PGM5: variants seen among roughly 807,000 people sequenced by gnomAD.
PGM5 encodes the protein phosphoglucomutase-like protein 5.
A neutral mutation model predicts 59.2 loss-of-function variants in PGM5; 23 were observed. That is an observed-to-expected ratio of 0.39 (90% CI 0.28 to 0.55). The LOEUF (loss-of-function observed/expected upper bound fraction) is 0.55. Ranked by LOEUF, PGM5 falls within the 20% of genes least tolerant of loss-of-function variation. The pLI, the probability that PGM5 is intolerant of heterozygous loss-of-function variation, is 0.66. For synonymous variants in PGM5, 214 were observed against 286.0 expected, an observed-to-expected ratio of 0.75 and a Z score of 2.54; for missense variants, 574 against 748.3, an observed-to-expected ratio of 0.77 and a Z score of 2.72.
intron 6 of PGM5, among the ~76,000 whole-genome samples, chr9:68,452,230 C>T (rs1710014439): frequency 6.6e-6 from 1 of 152,228 alleles, no homozygotes; most frequent in Admixed American, 6.5e-5. Flanking sequence ...CCTACCAGCC[C>T]TTTGCCCTTC....
At chr9:68,398,399 G>A (rs1336984538) in intron 6 of PGM5, 1 of 152,056 alleles carries the variant, frequency 6.6e-6, no homozygotes, top group Non-Finnish European at 1.5e-5. Flanking sequence ...AGGAACGGAT[G>A]AGGTTAAGGA....
intron 6 of PGM5, among the ~76,000 whole-genome samples, chr9:68,423,724 G>A (rs1823187417): frequency 6.6e-6 from 1 of 151,256 alleles, no homozygotes; most frequent in Admixed American, 6.6e-5. Context: ...TGAGGCCCTT[G>A]AAGACCCTTT....
chr9:68,393,309 T>C lies in PGM5; in HGVS notation c.1043+836T>C, dbSNP rs183113734. Reference sequence around the variant, plus strand: ...TCTCTTTCTATACATATACATTATATGCATATAATTAAAATACATAATATA... The same window carrying C: ...TCTCTTTCTATACATATACATTATACGCATATAATTAAAATACATAATATA... On this transcript the variant is annotated intron_variant, in intron 6 of 10. Coordinates refer to ENST00000396396, the MANE Select transcript of PGM5 (RefSeq NM_021965.4). 7.1e-3 allele frequency among the ~76,000 whole-genome samples: 1,075 copies of C among 150,764 alleles called. 7 individuals carry two copies. The highest frequency in any genetic ancestry group is 0.014 in the Middle Eastern group (4 of 280).
intron 1 of PGM5, among the ~76,000 whole-genome samples, chr9:68,376,445 A>G (rs1554677645): frequency 6.6e-6 from 1 of 150,834 alleles, no homozygotes; most frequent in East Asian, 2.0e-4. Context: ...TTTCCATACT[A>G]AATCATCCCA....
At chr9:68,368,766 C>T (rs1259205764) in intron 1 of PGM5, among the ~76,000 whole-genome samples, 1 of 152,190 alleles carries the variant, frequency 6.6e-6, no homozygotes, top group African/African-American at 2.4e-5. Flanking sequence ...CCTCAGCTTC[C>T]CAAGAAGCTG....
intron 10 of PGM5, among the ~76,000 whole-genome samples, chr9:68,519,009 G>T (rs184308079): frequency 6.6e-6 from 1 of 152,152 alleles, no homozygotes; most frequent in African/African-American, 2.4e-5. Context: ...AAAATCAAAG[G>T]CAAAGAATAG....
At chr9:68,503,438 G>A (rs570741427) in intron 10 of PGM5, among the ~76,000 whole-genome samples, 5 of 152,334 alleles carry the variant, frequency 3.3e-5, no homozygotes, top group African/African-American at 4.8e-5. Context: ...AAAAATCGGT[G>A]TATGGGGACT....
chr9:68,425,850 G>A (rs1823228075), intron 6 of PGM5, among the ~76,000 whole-genome samples: 1 of 152,090 alleles, frequency 6.6e-6, no homozygotes, highest in African/African-American at 2.4e-5. Flanking sequence ...GATGCCCAAA[G>A]TGGTTTTCTA....
At chr9:68,473,277 A>G (rs782094192) in intron 7 of PGM5, among the ~76,000 whole-genome samples, 8 of 152,338 alleles carry the variant, frequency 5.3e-5, no homozygotes, top group Non-Finnish European at 1.0e-4. Context: ...CCATTTCTAA[A>G]TGAAAAAAGG....
intron 6 of PGM5, among the ~76,000 whole-genome samples, chr9:68,455,153 T>C (rs373650212): frequency 2.8e-4 from 42 of 152,240 alleles, no homozygotes; most frequent in African/African-American, 7.0e-4. Context: ...ACCTGCGTCA[T>C]CCATTGGGTC....
intron 1 of PGM5, among the ~76,000 whole-genome samples, chr9:68,364,970 A>G (rs1442277590): frequency 6.6e-6 from 1 of 152,214 alleles, no homozygotes; most frequent in Non-Finnish European, 1.5e-5. Flanking sequence ...GACACACATC[A>G]GCAACATTAT....
intron 3 of PGM5, among the ~76,000 whole-genome samples, chr9:68,386,956 C>T (rs1822236274): frequency 6.6e-6 from 1 of 151,808 alleles, no homozygotes; most frequent in African/African-American, 2.4e-5. Flanking sequence ...ATATATTCAT[C>T]ACCAATTCTG....
chr9:68,418,025 A>G (rs1823064250), intron 6 of PGM5, among the ~76,000 whole-genome samples: 1 of 152,060 alleles, frequency 6.6e-6, no homozygotes, highest in Non-Finnish European at 1.5e-5. Context: ...TCTGTCTTTG[A>G]TCTCTCTCTT....
At chr9:68,449,968 G>A (rs79764823) in intron 6 of PGM5, among the ~76,000 whole-genome samples, 1 of 152,160 alleles carries the variant, frequency 6.6e-6, no homozygotes, top group Non-Finnish European at 1.5e-5. Context: ...GAGATGTCCA[G>A]GGGAGGCAAG....
chr9:68,525,385 A>G lies in PGM5; in HGVS notation c.1615-4182A>G, dbSNP rs141841199. 6.5e-3 allele frequency among the ~76,000 whole-genome samples: 991 copies of G among 152,304 alleles called. 14 individuals carry two copies. The highest frequency in any genetic ancestry group is 0.023 in the African/African-American group (937 of 41,558). On this transcript the variant is annotated intron_variant, in intron 10 of 10. Transcript: ENST00000396396. ...ATCATGTGGCCACTCATTCTAGCAC[A>G]TATATACTGTCATGCACGGCGTAGT...
intron 6 of PGM5, among the ~76,000 whole-genome samples, chr9:68,415,797 A>ATCTATCTGTCTG (rs1416944730): frequency 3.3e-4 from 37 of 111,300 alleles, no homozygotes; most frequent in African/African-American, 1.1e-3. Context: ...CTATCTATCT[A>ATCTATCTGTCTG]TCTATCTATC....
At chr9:68,438,761 G>C (rs975572995) in intron 6 of PGM5, among the ~76,000 whole-genome samples, 1 of 152,200 alleles carries the variant, frequency 6.6e-6, no homozygotes, top group South Asian at 2.1e-4. Flanking sequence ...CTGGAAGCAG[G>C]CATGAATGCA....
intron 1 of PGM5, among the ~76,000 whole-genome samples, chr9:68,374,915 C>A (rs694864): frequency 0.013 from 1,929 of 152,170 alleles, 54 homozygotes; most frequent in African/African-American, 0.044. Flanking sequence ...TTTATTATTT[C>A]TCATCATTTC....
At chr9:68,526,387 A>G (rs1176544035) in intron 10 of PGM5, among the ~76,000 whole-genome samples, 1 of 152,238 alleles carries the variant, frequency 6.6e-6, no homozygotes, top group Non-Finnish European at 1.5e-5. Context: ...TTCAGCTTGC[A>G]TAAGCACCAC....
Sources: gnomAD v4.1 joint callset for allele counts (sites outside exome capture counted in the v4.1 genomes callset) on GRCh38, gnomAD v4.1.1 for gene constraint, MANE v1.5 for transcripts, NCBI Gene and HGNC (gene_info 2026-07-23, HGNC 2026-07-21) for gene names.